Variants in CHRNA7 observed in about 807,000 individuals in gnomAD.
CHRNA7 encodes neuronal acetylcholine receptor subunit alpha-7.
CHRNA7 carries 17 observed loss-of-function variants against 48.0 expected under a neutral mutation model. That is an observed-to-expected ratio of 0.35 (90% CI 0.24 to 0.53). The LOEUF (loss-of-function observed/expected upper bound fraction) is 0.53. CHRNA7 is among the 20% of genes least tolerant of loss of function. CHRNA7 has a pLI of 0.92. For missense variants in CHRNA7, 155 were observed against 577.7 expected, an observed-to-expected ratio of 0.27 and a Z score of 7.50; for synonymous variants, 75 against 242.3, an observed-to-expected ratio of 0.31 and a Z score of 6.41.
At chr15:32,158,226 TA>T in intron 6 of CHRNA7, 185 bp from the exon 7 acceptor site, 2 of 546,494 alleles carry the variant, frequency 3.7e-6, no homozygotes, top group Non-Finnish European at 5.8e-6. Context: ...CAACTATCAC[TA>T]AAATACTCTT....
chr15:32,058,228 C>T (rs141578793), intron 2 of CHRNA7, among the ~76,000 whole-genome samples: 7 of 152,310 alleles, frequency 4.6e-5, no homozygotes, highest in African/African-American at 1.4e-4. Context: ...TTCGGACCCT[C>T]CATCCTCTTC....
intron 2 of CHRNA7, among the ~76,000 whole-genome samples, chr15:32,082,428 G>T (rs1041925668): frequency 6.6e-6 from 1 of 151,078 alleles, no homozygotes; most frequent in Non-Finnish European, 1.5e-5. Flanking sequence ...CTATCTTTGT[G>T]TTCACAATCT....
chr15:32,052,466 C>A (rs563053813), intron 2 of CHRNA7, among the ~76,000 whole-genome samples: 1 of 152,260 alleles, frequency 6.6e-6, no homozygotes, highest in South Asian at 2.1e-4. Context: ...TGCGTTGGCT[C>A]ACACTTGTAA....
intron 2 of CHRNA7, among the ~76,000 whole-genome samples, chr15:32,040,604 GTA>G (rs140065729): frequency 0.57 from 84,855 of 150,118 alleles, 27,621 homozygotes; most frequent in Non-Finnish European, 0.73. Context: ...GTATATGTGT[GTA>G]TGTGTGTGTG....
At chr15:32,117,745 A>G (rs879259170) in intron 4 of CHRNA7, among the ~76,000 whole-genome samples, 4 of 152,102 alleles carry the variant, frequency 2.6e-5, no homozygotes, top group Non-Finnish European at 4.4e-5. Context: ...CACACATGGA[A>G]TGGCATCTTA....
chr15:32,042,083 T>C (rs1262388987), intron 2 of CHRNA7, among the ~76,000 whole-genome samples: 5 of 151,912 alleles, frequency 3.3e-5, no homozygotes, highest in Non-Finnish European at 7.4e-5. Context: ...TCTTGATTGG[T>C]GGCTGTGATG....
At chr15:32,071,664 C>A (rs988966605) in intron 2 of CHRNA7, among the ~76,000 whole-genome samples, 5 of 152,052 alleles carry the variant, frequency 3.3e-5, no homozygotes, top group African/African-American at 9.7e-5. Flanking sequence ...TTCAAAAGAG[C>A]CTGGCACCTC....
chr15:32,110,120 C>T (rs959424853), intron 3 of CHRNA7, among the ~76,000 whole-genome samples: 1 of 152,146 alleles, frequency 6.6e-6, no homozygotes, highest in Non-Finnish European at 1.5e-5. Flanking sequence ...TAATTAGTGA[C>T]CGACACAGAG....
rs145178217 is a variant in CHRNA7 at position 32,067,803 on chromosome 15, G to C, written c.196-33500G>C. 5.6e-3 allele frequency among the ~76,000 whole-genome samples: 860 copies of C among 152,272 alleles called. 13 individuals are homozygous for C. The highest frequency in any genetic ancestry group is 0.019 in the African/African-American group (807 of 41,540). ...AGGGGGAAAGTTTTTGTACACTATT[G>C]CTTTAAGTTAGTATCAATCCAGACA... On this transcript the variant is annotated intron_variant, in intron 2 of 9. Transcript: ENST00000306901.
intron 4 of CHRNA7, among the ~76,000 whole-genome samples, chr15:32,136,307 A>G (rs1356474143): frequency 1.3e-5 from 2 of 152,126 alleles, no homozygotes; most frequent in African/African-American, 2.4e-5. Flanking sequence ...CCTGGCCAAC[A>G]TGGTGAAACC....
intron 4 of CHRNA7, among the ~76,000 whole-genome samples, chr15:32,124,072 A>G (rs972053222): frequency 1.8e-4 from 27 of 152,116 alleles, no homozygotes; most frequent in African/African-American, 6.5e-4. Flanking sequence ...TTTAAATCCC[A>G]TAACAGTTCT....
rs953481760 is a variant in CHRNA7 at position 32,101,239 on chromosome 15, T to C, written c.196-64T>C. 1.6e-5 allele frequency: 24 copies of C among 1,540,274 alleles called. No individual in the cohort carries two copies. In the Admixed American group the frequency reaches 4.1e-4, roughly 27 times the overall value. ...GACAGTCAGATCCCCATGTGAATAA[T>C]TGTCTCATTCTTTCTTTTGTAAACC... On this transcript the variant is annotated intron_variant, in intron 2 of 9. Transcript: ENST00000306901.
chr15:32,101,660 C>G (rs922646516), intron 3 of CHRNA7: 1 of 270,634 alleles, frequency 3.7e-6, no homozygotes, highest in Non-Finnish European at 6.8e-6. Context: ...ACAACCTGCA[C>G]CACAGCCAGT....
At chr15:32,118,792 T>C (rs950990044) in intron 4 of CHRNA7, among the ~76,000 whole-genome samples, 2 of 151,414 alleles carry the variant, frequency 1.3e-5, no homozygotes, top group Non-Finnish European at 2.9e-5. Flanking sequence ...ATGGGCCAGA[T>C]TGTAGGTGAT....
chr15:32,070,787 C>T (rs184516391), intron 2 of CHRNA7, among the ~76,000 whole-genome samples: 164 of 145,706 alleles, frequency 1.1e-3, no homozygotes, highest in African/African-American at 4.1e-3. Context: ...CGCGGATTCA[C>T]GCCATTCTCC....
intron 2 of CHRNA7, among the ~76,000 whole-genome samples, chr15:32,070,975 C>T (rs2050049029): frequency 6.6e-6 from 1 of 152,078 alleles, no homozygotes; most frequent in African/African-American, 2.4e-5. Context: ...GCATGAGCCA[C>T]CGTGCCTGGC....
chr15:32,110,778 CACTT>C lies in CHRNA7; in HGVS notation c.241-1010_241-1007del, dbSNP rs1426394582. On this transcript the variant is annotated intron_variant, in intron 3 of 9. Coordinates refer to ENST00000306901, the MANE Select transcript of CHRNA7 (RefSeq NM_000746.6). The stretch of plus-strand genomic sequence containing the variant: ...TGTGAATTGAGGCATTTATTTGTCT[CACTT>C]AGTGCAAATAGGCATGTTTTGCTGC... 7.9e-5 allele frequency among the ~76,000 whole-genome samples: 12 copies of C among 152,276 alleles called. 1 individual carries two copies. Among genetic ancestry groups the C allele is most frequent in the East Asian group, 3.9e-4 (2 of 5,184 alleles).
intron 4 of CHRNA7, among the ~76,000 whole-genome samples, chr15:32,115,717 C>T (rs2050858666): frequency 6.6e-6 from 1 of 152,090 alleles, no homozygotes; most frequent in South Asian, 2.1e-4. Context: ...TCCACGATGG[C>T]ACTTAGGGTC....
chr15:32,043,183 T>G (rs2049478694), intron 2 of CHRNA7, among the ~76,000 whole-genome samples: 1 of 152,206 alleles, frequency 6.6e-6, no homozygotes. Flanking sequence ...TTTATATGTT[T>G]TCTTCATTAA....
Sources: gnomAD v4.1 joint callset for allele counts (sites outside exome capture counted in the v4.1 genomes callset) on GRCh38, gnomAD v4.1.1 for gene constraint, MANE v1.5 for transcripts, NCBI Gene and HGNC (gene_info 2026-07-23, HGNC 2026-07-21) for gene names.